The following TMEM131 variants were observed in gnomAD, a reference collection of about 807,000 sequenced individuals.
TMEM131 encodes transmembrane protein 131.
Under a neutral mutation model 211.6 loss-of-function variants are expected in TMEM131, and 66 were observed. The ratio of observed to expected loss-of-function variants is 0.31; its 90% confidence interval spans 0.26 to 0.38. The LOEUF is 0.38. Among genes scored for constraint, TMEM131 ranks in the 10% least tolerant of loss-of-function variants. The pLI is 1.00. For synonymous variants in TMEM131, 844 were observed against 841.3 expected (o/e 1.00, Z -0.06); for missense variants, 2,036 against 2,299.3 (o/e 0.89, Z 2.34).
At chr2:97,918,155 G>A (rs1206571574) in intron 2 of TMEM131, among the ~76,000 whole-genome samples, 5 of 151,972 alleles carry the variant, frequency 3.3e-5, no homozygotes, top group African/African-American at 4.8e-5. Flanking sequence ...TGTTGGTCAC[G>A]CTGGTCTCGA....
intron 30 of TMEM131, 106 bp downstream of exon 30, chr2:97,793,289 A>AT (rs1489244183): frequency 4.3e-5 from 54 of 1,245,514 alleles, no homozygotes; most frequent in Middle Eastern, 4.3e-4. Flanking sequence ...CAGAATTAAG[A>AT]TTTTTTTTCT....
At chr2:97,842,966 A>T (rs1477733051) in intron 6 of TMEM131, among the ~76,000 whole-genome samples, 1 of 152,086 alleles carries the variant, frequency 6.6e-6, no homozygotes, top group Non-Finnish European at 1.5e-5. Context: ...CACCATACAT[A>T]AGCAGAAGAC....
intron 1 of TMEM131, among the ~76,000 whole-genome samples, chr2:97,970,131 G>T (rs1312368707): frequency 1.3e-5 from 2 of 152,156 alleles, no homozygotes; most frequent in African/African-American, 2.4e-5. Context: ...GGGAAAATCT[G>T]TTTTTCTACT....
intron 1 of TMEM131, among the ~76,000 whole-genome samples, chr2:97,937,713 A>AC (rs994687359): frequency 1.8e-4 from 27 of 152,202 alleles, no homozygotes; most frequent in Admixed American, 3.3e-4. Context: ...GGAAATAAAA[A>AC]CATGCAGGAT....
At chr2:97,777,727 C>A (rs1160804660) in intron 31 of TMEM131, among the ~76,000 whole-genome samples, 1 of 152,180 alleles carries the variant, frequency 6.6e-6, no homozygotes, top group Non-Finnish European at 1.5e-5. Context: ...GAAGGGGCAT[C>A]TCGTTTCAAG....
chr2:97,864,978 T>C (rs1006767649), intron 4 of TMEM131, among the ~76,000 whole-genome samples: 1 of 152,240 alleles, frequency 6.6e-6, no homozygotes, highest in Admixed American at 6.5e-5. Flanking sequence ...CTAGGGCTAC[T>C]GAACTATGAT....
intron 1 of TMEM131, among the ~76,000 whole-genome samples, chr2:97,935,280 C>G (rs112068743): frequency 6.6e-6 from 1 of 152,122 alleles, no homozygotes; most frequent in African/African-American, 2.4e-5. Context: ...CCATTCCTAT[C>G]AAAAGATCAA....
intron 4 of TMEM131, among the ~76,000 whole-genome samples, chr2:97,872,424 T>C (rs537528242): frequency 2.6e-5 from 4 of 152,066 alleles, no homozygotes; most frequent in Non-Finnish European, 5.9e-5. Context: ...GTTCCAATCA[T>C]GCAAACCCAC....
chr2:97,822,364 C>T (rs1682165074), intron 11 of TMEM131, among the ~76,000 whole-genome samples: 1 of 152,180 alleles, frequency 6.6e-6, no homozygotes, highest in Admixed American at 6.5e-5. Flanking sequence ...GAAACGATAT[C>T]CTTCCTTTTC....
chr2:97,843,368 A>T lies in TMEM131; in HGVS notation c.600+777T>A, dbSNP rs1378386344. On this transcript the variant is annotated intron_variant, in intron 6 of 40. Coordinates refer to ENST00000186436, the MANE Select transcript of TMEM131 (RefSeq NM_015348.2). Reference sequence around the variant, plus strand: ...TTCTTCATTTAGAGATGTGGTCTTGATCTGTCACCCAAGGTGGAGTACAGT... The same window carrying T: ...TTCTTCATTTAGAGATGTGGTCTTGTTCTGTCACCCAAGGTGGAGTACAGT... 2.0e-5 allele frequency among the ~76,000 whole-genome samples: 3 copies of T among 152,178 alleles called. No homozygotes were observed. The East Asian group carries it at 5.8e-4, about 29-fold the overall frequency.
rs577344417 is a variant in TMEM131 at position 97,801,864 on chromosome 2, C to A, written c.2718+31G>T. The A allele has an allele frequency of 1.5e-4, 218 of 1,461,414 alleles. No homozygotes were observed. In the East Asian group the frequency reaches 5.1e-3, roughly 34 times the overall value. The allele number at this position is 1,461,414 out of a possible 1,614,324, so 90.5% of individuals were successfully genotyped here. On this transcript the variant is annotated intron_variant, in intron 25 of 40. Coordinates refer to ENST00000186436, the MANE Select transcript of TMEM131 (RefSeq NM_015348.2). ...TATTGATCATATTATAAAATAATTT[C>A]TTTGGAATAGTATGAAGTTTGAATA...
intron 3 of TMEM131, among the ~76,000 whole-genome samples, chr2:97,905,360 C>A (rs58546246): frequency 0.33 from 50,712 of 151,948 alleles, 9,311 homozygotes; most frequent in Non-Finnish European, 0.39. Flanking sequence ...TCTTCCCTGG[C>A]TGTTTCTCTA....
At chr2:97,892,915 T>A (rs1382400122) in intron 3 of TMEM131, among the ~76,000 whole-genome samples, 1 of 152,186 alleles carries the variant, frequency 6.6e-6, no homozygotes, top group Non-Finnish European at 1.5e-5. Flanking sequence ...TTTTTTAATA[T>A]ACTTTAAATT....
intron 1 of TMEM131, among the ~76,000 whole-genome samples, chr2:97,966,559 T>C (rs1435172510): frequency 6.6e-6 from 1 of 152,164 alleles, no homozygotes; most frequent in Non-Finnish European, 1.5e-5. Flanking sequence ...AATAAATGTT[T>C]GTTGAGCTGA....
chr2:97,835,066 C>G, intron 8 of TMEM131, 141 bp from the exon 9 acceptor site: 1 of 779,646 alleles, frequency 1.3e-6, no homozygotes, highest in South Asian at 2.2e-5. Flanking sequence ...CTAATTAAAC[C>G]AATATGTAAC....
intron 35 of TMEM131, among the ~76,000 whole-genome samples, chr2:97,765,729 A>G (rs920729846): frequency 3.3e-4 from 50 of 152,244 alleles, no homozygotes; most frequent in African/African-American, 9.2e-4. Flanking sequence ...AAACAATTAC[A>G]CTATAAATGA....
chr2:97,784,653 A>T (rs1048649818), intron 31 of TMEM131, among the ~76,000 whole-genome samples: 1 of 152,114 alleles, frequency 6.6e-6, no homozygotes, highest in Admixed American at 6.6e-5. Context: ...CGGGGGGGAA[A>T]GTCCTGTATT....
At chr2:97,878,311 A>C (rs556840978) in intron 4 of TMEM131, among the ~76,000 whole-genome samples, 1 of 152,338 alleles carries the variant, frequency 6.6e-6, no homozygotes, top group Non-Finnish European at 1.5e-5. Context: ...AAGGATCTAG[A>C]ACTAGAAATA....
At chr2:97,882,803 G>A (rs1226947095) in intron 4 of TMEM131, among the ~76,000 whole-genome samples, 5 of 152,118 alleles carry the variant, frequency 3.3e-5, no homozygotes, top group Non-Finnish European at 5.9e-5. Context: ...ACACCTGCCT[G>A]CAACCCCTAC....
Sources: allele counts gnomAD v4.1 joint callset (sites outside exome capture counted in the v4.1 genomes callset), GRCh38; gene constraint gnomAD v4.1.1; transcripts MANE v1.5; gene names NCBI Gene and HGNC (gene_info 2026-07-23, HGNC 2026-07-21).